CECR2: variants seen among roughly 807,000 people sequenced by gnomAD.
The protein encoded by CECR2 is CECR2 histone acetyl-lysine reader.
In CECR2, 30 loss-of-function variants were observed where a neutral mutation model predicts 154.5. The observed-to-expected ratio is 0.19, with a 90% CI of 0.15 to 0.26. The LOEUF (loss-of-function observed/expected upper bound fraction) is 0.26. CECR2 is among the 10% of genes least tolerant of loss of function. The probability of loss-of-function intolerance (pLI) is 1.00; values close to 1 mark genes in which losing one functional copy is unlikely to be tolerated. For synonymous variants in CECR2, 725 were observed against 683.7 expected, an observed-to-expected ratio of 1.06 and a Z score of -0.94; for missense variants, 1,743 against 1,829.3, an observed-to-expected ratio of 0.95 and a Z score of 0.86.
At chr22:17,386,636 TC>T (rs35511299) in intron 1 of CECR2, among the ~76,000 whole-genome samples, 2 of 151,434 alleles carry the variant, frequency 1.3e-5, no homozygotes, top group Admixed American at 1.3e-4. Context: ...GAAATGAAAA[TC>T]CAGCCACAGA....
In CECR2 at chr22:17,418,352, TACTGC is replaced by T. The variant is rs112728257; in HGVS notation, c.126+48449_126+48453del. Among the ~76,000 whole-genome samples, 1,010 of 152,352 alleles carry T rather than the reference TACTGC, an allele frequency of 6.6e-3. 12 individuals carry two copies. Among genetic ancestry groups the T allele is most frequent in the African/African-American group, 0.023 (973 of 41,572 alleles). On this transcript the variant is annotated intron_variant, in intron 1 of 18. Transcript: ENST00000262608. Reference sequence around the variant, plus strand: ...ATTGTGCATCCTCAAGCCTATGTGTTACTGCACTGCGCTGTAGCTTAGTGGTTCAT... The same window carrying T: ...ATTGTGCATCCTCAAGCCTATGTGTTACTGCGCTGTAGCTTAGTGGTTCAT...
rs187927518 is a variant in CECR2 at position 17,533,917 on chromosome 22, T to A, written c.1109-3186T>A. 4.0e-3 allele frequency among the ~76,000 whole-genome samples: 612 copies of A among 152,042 alleles called. 7 individuals are homozygous for A. Among genetic ancestry groups the A allele is most frequent in the Non-Finnish European group, 6.8e-3 (459 of 67,998 alleles). ...TTTTAGTAGACAGGGTTTCTCCATG[T>A]TGGTCAGGCTGGTCTCGAACTCCCG... is the stretch of plus-strand genomic sequence containing the variant. On this transcript the variant is annotated intron_variant, in intron 9 of 18. Transcript: ENST00000262608.
chr22:17,380,380 C>T (rs2063173004), intron 1 of CECR2, among the ~76,000 whole-genome samples: 2 of 152,172 alleles, frequency 1.3e-5, no homozygotes, highest in East Asian at 3.8e-4. Flanking sequence ...TTTAAAGTCC[C>T]TGACCTCATG....
intron 1 of CECR2, among the ~76,000 whole-genome samples, chr22:17,429,113 A>G (rs1333180328): frequency 6.6e-6 from 1 of 152,018 alleles, no homozygotes; most frequent in African/African-American, 2.4e-5. Context: ...GATTGGTGGG[A>G]TAGGGGAGAG....
At chr22:17,538,221 ATAAG>A (rs2056466908) in intron 10 of CECR2, among the ~76,000 whole-genome samples, 1 of 152,200 alleles carries the variant, frequency 6.6e-6, no homozygotes, top group Admixed American at 6.5e-5. Context: ...CTGTCTCAAA[ATAAG>A]TAAATAAAGA....
intron 14 of CECR2, 151 bp from the exon 15 acceptor site, chr22:17,541,688 G>A: frequency 2.5e-6 from 2 of 815,336 alleles, no homozygotes; most frequent in Non-Finnish European, 3.7e-6. Flanking sequence ...ATGCGGGTGA[G>A]CACGTGTGTT....
chr22:17,521,622 T>C (rs1357656150), intron 8 of CECR2, among the ~76,000 whole-genome samples: 6 of 152,206 alleles, frequency 3.9e-5, no homozygotes. Flanking sequence ...TGTTAATTTC[T>C]TTAAGTTCTT....
intron 1 of CECR2, among the ~76,000 whole-genome samples, chr22:17,400,497 C>CTTGAGAAAT (rs144925293): frequency 0.017 from 2,515 of 152,266 alleles, 61 homozygotes; most frequent in African/African-American, 0.058. Context: ...TTAGGAGGCT[C>CTTGAGAAAT]TTGAGAAATG....
At chr22:17,523,755 CAAAAAAAAAAAAAA>C (rs66963477) in intron 8 of CECR2, among the ~76,000 whole-genome samples, 1 of 101,164 alleles carries the variant, frequency 9.9e-6, no homozygotes, top group Non-Finnish European at 2.0e-5. Flanking sequence ...GACTCTATCT[CAAAAAAAAAAAAAA>C]AAAAAAGAAA....
At chr22:17,403,044 G>A (rs1320006122) in intron 1 of CECR2, among the ~76,000 whole-genome samples, 3 of 152,160 alleles carry the variant, frequency 2.0e-5, no homozygotes, top group Non-Finnish European at 2.9e-5. Flanking sequence ...GTGAGCCAGC[G>A]CACCCGGCAG....
rs559266318 is a variant in CECR2, at chr22:17,361,344, G to A, written c.-364+1321G>A. On this transcript the variant is annotated intron_variant, in intron 1 of 18. Coordinates refer to the CECR2 transcript ENST00000400585. ...TCTGCTAAAAATACAAAAATTAGCC[G>A]GGCTGGTGGCGGACACCTGTAATCT... 1.1e-4 allele frequency among the ~76,000 whole-genome samples: 17 copies of A among 152,100 alleles called. No individual in the cohort carries two copies. In the South Asian group the frequency reaches 2.1e-3, roughly 19 times the overall value.
intron 1 of CECR2, among the ~76,000 whole-genome samples, chr22:17,441,379 G>GA (rs2054582870): frequency 6.6e-6 from 1 of 152,166 alleles, no homozygotes; most frequent in Non-Finnish European, 1.5e-5. Flanking sequence ...GCACAGCTGT[G>GA]ATACTGTACT....
intron 9 of CECR2, among the ~76,000 whole-genome samples, chr22:17,530,569 C>T (rs1038161505): frequency 6.6e-6 from 1 of 150,752 alleles, no homozygotes; most frequent in South Asian, 2.1e-4. Context: ...CCCAACTACT[C>T]GGGAGGCTGA....
At chr22:17,362,549 CA>C (rs1476922533) in intron 1 of CECR2, among the ~76,000 whole-genome samples, 1 of 126,762 alleles carries the variant, frequency 7.9e-6, no homozygotes, top group African/African-American at 2.5e-5. Flanking sequence ...TTTTTTAGTT[CA>C]TTTTTTTTGT....
At chr22:17,450,720 A>T (rs761431777) in intron 1 of CECR2, among the ~76,000 whole-genome samples, 1 of 152,202 alleles carries the variant, frequency 6.6e-6, no homozygotes, top group African/African-American at 2.4e-5. Flanking sequence ...TGGTTTCCCC[A>T]ACCTCTAATC....
rs528957782 is a variant in CECR2, at chr22:17,506,794, T to C, written c.870+1778T>C. On this transcript the variant is annotated intron_variant, in intron 7 of 18. Transcript: ENST00000262608. Reference sequence around the variant, plus strand: ...TCAGCCTCCCAAGTAGCTGGGACTATAGGCGTGCGCCACCATGCCTGGCTA... The same window carrying C: ...TCAGCCTCCCAAGTAGCTGGGACTACAGGCGTGCGCCACCATGCCTGGCTA... 5.3e-5 allele frequency among the ~76,000 whole-genome samples: 8 copies of C among 152,084 alleles called. No homozygotes were observed. The South Asian group carries it at 1.5e-3, about 28-fold the overall frequency.
Position 17,549,353 on chromosome 22 carries a change from A to G in CECR2, c.4066A>G (p.Ser1356Gly), listed in dbSNP as rs747064235. Residue 1356 changes from serine to glycine, a missense_variant, in exon 17 of 19, where the codon AGT becomes GGT. By Grantham distance (56) the Ser-to-Gly change is moderately conservative. This residue lies in a region of CECR2 where 1,250 missense variants were observed against 1,192.1 expected (regional missense o/e 1.05). Coordinates refer to ENST00000262608, the MANE Select transcript of CECR2 (RefSeq NM_001290047.2). Reference sequence around the variant, plus strand: ...TCCCTATACCCCTCAGCGGCCGGCCAGTCACTTTCAGCCCAGGGCTTACTC... The same window carrying G: ...TCCCTATACCCCTCAGCGGCCGGCCGGTCACTTTCAGCCCAGGGCTTACTC... Reference protein sequence around the residue: ...GPPYTPQRPASHFQPRAYSSP... With the variant: ...GPPYTPQRPAGHFQPRAYSSP... 3 of 1,613,922 alleles carry G rather than the reference A, an allele frequency of 1.9e-6. No homozygotes were observed. Among genetic ancestry groups the G allele is most frequent in the Non-Finnish European group, 8.5e-7 (1 of 1,179,868 alleles).
Position 17,511,910 on chromosome 22 carries a change from A to G in CECR2, c.954+14A>G, listed in dbSNP as rs1601490074. 6.3e-7 allele frequency: 1 copy of G among 1,588,560 alleles called. No individual in the cohort carries two copies. Among genetic ancestry groups the G allele is most frequent in the East Asian group, 2.3e-5 (1 of 44,318 alleles). ...GTCAAGCAAGAGGTGAGTGTGGGTGAGAGTAGCGAGGAGGAGCTTTCCTGA... is the reference window on the plus strand; with the variant it reads ...GTCAAGCAAGAGGTGAGTGTGGGTGGGAGTAGCGAGGAGGAGCTTTCCTGA... On this transcript the variant is annotated intron_variant, in intron 8 of 18. Transcript: ENST00000262608.
At chr22:17,474,768 T>C (rs915224320) in intron 1 of CECR2, among the ~76,000 whole-genome samples, 2 of 152,212 alleles carry the variant, frequency 1.3e-5, no homozygotes, top group African/African-American at 4.8e-5. Flanking sequence ...GCAAACTTTA[T>C]GCAGTCACCT....
Sources: allele counts gnomAD v4.1 joint callset (sites outside exome capture counted in the v4.1 genomes callset), GRCh38; gene constraint gnomAD v4.1.1; regional missense constraint gnomAD v4.1.1; transcripts MANE v1.5; gene names NCBI Gene and HGNC (gene_info 2026-07-23, HGNC 2026-07-21).